The following PANK2 variants were observed in gnomAD, a reference collection of about 807,000 sequenced individuals.
The protein encoded by PANK2 is pantothenate kinase 2.
In PANK2, 36 loss-of-function variants were observed where a neutral mutation model predicts 43.1. The ratio of observed to expected loss-of-function variants is 0.84; its 90% CI spans 0.64 to 1.10. The LOEUF (loss-of-function observed/expected upper bound fraction) is 1.10, where lower values mean the gene tolerates loss of function less well. Among genes scored for constraint, PANK2 ranks in the 50% least tolerant of loss-of-function variants. The probability of loss-of-function intolerance (pLI) is 0.00; values close to 1 mark genes in which losing one functional copy is unlikely to be tolerated. For synonymous variants in PANK2, 281 were observed against 238.2 expected (o/e 1.18, Z -1.66); for missense variants, 576 against 593.3 (o/e 0.97, Z 0.30).
chr20:3,912,837 G>A (rs1156799583), intron 4 of PANK2, among the ~76,000 whole-genome samples: 2 of 145,926 alleles, frequency 1.4e-5, no homozygotes, highest in Non-Finnish European at 1.5e-5. Context: ...GTAGACCCAG[G>A]TACTTGGGAG....
intron 1 of PANK2, chr20:3,901,608 T>A: frequency 1.0e-6 from 1 of 981,980 alleles, no homozygotes; most frequent in Non-Finnish European, 1.2e-6. Flanking sequence ...ACTTCCTATG[T>A]CGAAATCATG....
At chr20:3,901,752 A>G in intron 1 of PANK2, 1 of 291,260 alleles carries the variant, frequency 3.4e-6, no homozygotes, top group Non-Finnish European at 5.1e-6. Flanking sequence ...TCTACCAATT[A>G]TGTTAGAGAA....
At position 3,922,996 on chromosome 20, in the gene PANK2, G is replaced by C. The variant is rs543057400; in HGVS notation, c.1333-248G>C. 5.3e-5 allele frequency among the ~76,000 whole-genome samples: 8 copies of C among 152,246 alleles called. No homozygotes were observed. The South Asian group carries it at 1.7e-3, about 32-fold the overall frequency. ...TCATAGCTCCTGTCGCCCTCACTGC[G>C]GGTTTGGTTTTCCTCTTATCACAGT... is the stretch of plus-strand genomic sequence containing the variant. On this transcript the variant is annotated intron_variant, in intron 6 of 6. Transcript: ENST00000610179.
intron 1 of PANK2, chr20:3,891,375 A>G (rs2090120766): frequency 6.6e-6 from 1 of 152,240 alleles, no homozygotes; most frequent in Non-Finnish European, 1.5e-5. Flanking sequence ...GTCGTCTACT[A>G]AGAGCTTTGG....
At chr20:3,889,120 T>C (rs1459133770), upstream of PANK2, 2 of 1,551,582 alleles carry the variant, frequency 1.3e-6, no homozygotes, top group Admixed American at 2.0e-5. Context: ...CTCGGGCCCT[T>C]CCACCCACGC....
At chr20:3,908,350 G>A in intron 2 of PANK2, 72 bp downstream of exon 2, 1 of 1,335,066 alleles carries the variant, frequency 7.5e-7, no homozygotes, top group Non-Finnish European at 1.0e-6. Context: ...AGCAAGTGGT[G>A]AAATAATTTC....
At chr20:3,892,655 G>C (rs917735728) in intron 1 of PANK2, among the ~76,000 whole-genome samples, 1 of 123,994 alleles carries the variant, frequency 8.1e-6, no homozygotes, top group Non-Finnish European at 1.6e-5. Flanking sequence ...CAGCCTGGGC[G>C]ACAGAGCGAC....
rs1443780134 is a variant in PANK2 at position 3,927,152 on chromosome 20, C to A, written c.*3858C>A. Among the ~76,000 whole-genome samples, 1 of 152,094 alleles carries A rather than the reference C, an allele frequency of 6.6e-6. No individual in the cohort carries two copies. The highest frequency in any genetic ancestry group is 1.5e-5 in the Non-Finnish European group (1 of 68,018). ...CACTGACCCCACCCCCGCTTGCACA[C>A]TATGCCACAGGAAGGGCAGGGGCTT... On this transcript the variant is annotated 3_prime_UTR_variant, in exon 7 of 7. Coordinates refer to ENST00000610179, the MANE Select transcript of PANK2 (RefSeq NM_001386393.1).
chr20:3,889,735 G>A lies in PANK2; in HGVS notation c.298+7G>A, dbSNP rs1336749798. The A allele has an allele frequency of 3.8e-6, 6 of 1,594,954 alleles. No individual in the cohort carries two copies. Among genetic ancestry groups the A allele is most frequent in the South Asian group, 1.1e-5 (1 of 90,744 alleles). On this transcript the variant is annotated splice_region_variant and intron_variant, in intron 1 of 6. Coordinates refer to ENST00000610179, the MANE Select transcript of PANK2 (RefSeq NM_001386393.1). ...CTGAGGAAAAAGCGGCCGCGTAAGTGTTCCGTGGGGCGCCCTCCCGGCCCG... is the reference window on the plus strand; with the variant it reads ...CTGAGGAAAAAGCGGCCGCGTAAGTATTCCGTGGGGCGCCCTCCCGGCCCG...
chr20:3,889,483 G>A lies in PANK2; in HGVS notation c.53G>A (p.Arg18Gln), dbSNP rs546381069. The A allele has an allele frequency of 7.9e-5, 118 of 1,488,860 alleles. 1 individual carries two copies. In the East Asian group the frequency reaches 2.5e-3, roughly 32 times the overall value. 92.2% of individuals were successfully genotyped at this position (1,488,860 alleles called of 1,614,324 possible). Reference sequence around the variant, plus strand: ...CTGCTGCTGCGGATGGGAGGGGGCCGGCTCGGCGCGCCCATGGAGCGCCAC... The same window carrying A: ...CTGCTGCTGCGGATGGGAGGGGGCCAGCTCGGCGCGCCCATGGAGCGCCAC... Residue 18 changes from arginine to glutamine, a missense_variant, in exon 1 of 7, where the codon CGG becomes CAG. Around this residue, in one of 2 missense-constraint regions of PANK2, gnomAD observed 544 missense variants for 528.9 expected, o/e 1.03. Coordinates refer to ENST00000610179, the MANE Select transcript of PANK2 (RefSeq NM_001386393.1).
intron 5 of PANK2, among the ~76,000 whole-genome samples, chr20:3,917,731 A>G (rs1463439946): frequency 1.3e-5 from 2 of 152,216 alleles, no homozygotes; most frequent in Non-Finnish European, 2.9e-5. Context: ...AAACCTCAAA[A>G]GACACAAAGG....
chr20:3,902,745 T>C (rs1318970535), intron 1 of PANK2, among the ~76,000 whole-genome samples: 1 of 151,874 alleles, frequency 6.6e-6, no homozygotes, highest in East Asian at 1.9e-4. Context: ...CTATATTGAC[T>C]ATATTGACCT....
At chr20:3,910,500 G>A in intron 2 of PANK2, 77 bp from the exon 3 acceptor site, 1 of 1,503,392 alleles carries the variant, frequency 6.7e-7, no homozygotes, top group Non-Finnish European at 9.2e-7. Flanking sequence ...TTCACGTAGT[G>A]GGGATGCCTT....
chr20:3,892,504 A>C (rs184044193), intron 1 of PANK2, among the ~76,000 whole-genome samples: 28 of 151,802 alleles, frequency 1.8e-4, no homozygotes, highest in Admixed American at 7.2e-4. Context: ...GTGAAACCCT[A>C]TCTCTACTAA....
intron 6 of PANK2, among the ~76,000 whole-genome samples, chr20:3,922,656 C>A (rs1362865260): frequency 6.6e-6 from 1 of 152,038 alleles, no homozygotes; most frequent in African/African-American, 2.4e-5. Flanking sequence ...CACCCACCGG[C>A]CTTGCTCTCC....
intron 1 of PANK2, among the ~76,000 whole-genome samples, chr20:3,892,600 C>T (rs559773523): frequency 3.6e-5 from 5 of 138,372 alleles, no homozygotes; most frequent in Middle Eastern, 4.3e-3. Context: ...TGCTTGAACC[C>T]GGGAGGCAGA....
chr20:3,912,684 G>T, intron 4 of PANK2, 50 bp downstream of exon 4: 1 of 1,603,410 alleles, frequency 6.2e-7, no homozygotes, highest in Non-Finnish European at 8.5e-7. Flanking sequence ...GGGCGCGGTG[G>T]CTCATGCCTT....
chr20:3,929,424 A>G lies in PANK2; in HGVS notation c.*6130A>G, dbSNP rs1600602290. On this transcript the variant is annotated 3_prime_UTR_variant, in exon 7 of 7. Coordinates refer to ENST00000610179, the MANE Select transcript of PANK2 (RefSeq NM_001386393.1). Reference sequence around the variant, plus strand: ...CAACGAAAAGTTGGGAGGGAAAGGGAGTAGCTCCATGAACTGACGCTGGAC... The same window carrying G: ...CAACGAAAAGTTGGGAGGGAAAGGGGGTAGCTCCATGAACTGACGCTGGAC... 6.6e-6 allele frequency: 1 copy of G among 152,310 alleles called. No homozygotes were observed. Among genetic ancestry groups the G allele is most frequent in the African/African-American group, 2.4e-5 (1 of 41,460 alleles). The allele number at this position is 152,310 out of a possible 1,614,324, so 9.4% of individuals were successfully genotyped here. A position where few individuals can be genotyped will look rare whatever the true frequency, so the allele number is the denominator to read the frequency against.
At chr20:3,890,041 G>C (rs1276651560) in intron 1 of PANK2, 1 of 858,760 alleles carries the variant, frequency 1.2e-6, no homozygotes, top group Non-Finnish European at 1.7e-6. Context: ...TTTTATCCTC[G>C]AGAAGGCTTC....
Sources: allele counts gnomAD v4.1 joint callset (sites outside exome capture counted in the v4.1 genomes callset), GRCh38; gene constraint gnomAD v4.1.1; regional missense constraint gnomAD v4.1.1; transcripts MANE v1.5; gene names NCBI Gene and HGNC (gene_info 2026-07-23, HGNC 2026-07-21).